The following BLOC1S5 variants were observed in gnomAD, a reference collection of about 807,000 sequenced individuals.
The protein encoded by BLOC1S5 is biogenesis of lysosome-related organelles complex 1 subunit 5.
In BLOC1S5, 27 loss-of-function variants were observed where a neutral mutation model predicts 24.3. That is an observed-to-expected ratio of 1.11 (90% CI 0.82 to 1.53). The LOEUF is 1.53. BLOC1S5 is among the 40% of genes most tolerant of loss of function. The pLI is 0.00. For missense variants in BLOC1S5, 239 were observed against 229.4 expected (o/e 1.04, Z -0.27); for synonymous variants, 84 against 74.5 (o/e 1.13, Z -0.66).
At chr6:8,026,291 G>T (rs1341990675) in intron 4 of BLOC1S5, 76 bp downstream of exon 4, 1 of 1,230,318 alleles carries the variant, frequency 8.1e-7, no homozygotes, top group Non-Finnish European at 1.2e-6. Context: ...AGAATTTTCT[G>T]ATCAAAAGCA....
chr6:8,054,346 G>A (rs1764241944), intron 2 of BLOC1S5: 2 of 403,756 alleles, frequency 5.0e-6, no homozygotes, highest in Admixed American at 3.2e-5. Context: ...TACACTGTCT[G>A]CCTTTAACTA....
Position 8,024,797 on chromosome 6 carries a change from AT to A in BLOC1S5, c.384+1569del, listed in dbSNP as rs1333962180. ...ATAACAATTTTCAAAGTCATTTCAA[AT>A]AATTTTTATAATGCAATTTACCCAT... On this transcript the variant is annotated intron_variant, in intron 4 of 4. Transcript: ENST00000397457. Among the ~76,000 whole-genome samples the A allele has an allele frequency of 2.6e-5, 4 of 152,202 alleles. 1 individual carries two copies. The highest frequency in any genetic ancestry group is 4.4e-5 in the Non-Finnish European group (3 of 68,046).
At chr6:8,059,677 A>G (rs1764448927) in intron 2 of BLOC1S5, among the ~76,000 whole-genome samples, 1 of 152,206 alleles carries the variant, frequency 6.6e-6, no homozygotes, top group South Asian at 2.1e-4. Flanking sequence ...CTAATTTGAG[A>G]TGAGAGTTAT....
chr6:8,037,378 G>A (rs1763522849), intron 3 of BLOC1S5, among the ~76,000 whole-genome samples: 1 of 152,082 alleles, frequency 6.6e-6, no homozygotes, highest in African/African-American at 2.4e-5. Context: ...ATTTACAATA[G>A]CTACAAAGAA....
At chr6:8,030,865 C>CAAAAAAAAAAAAAAAAAAAAAAAA (rs55692261) in intron 3 of BLOC1S5, among the ~76,000 whole-genome samples, 3 of 118,574 alleles carry the variant, frequency 2.5e-5, no homozygotes, top group South Asian at 3.4e-4. Context: ...GACCAACAGT[C>CAAAAAAAAAAAAAAAAAAAAAAAA]AAAAAAAAAA....
At chr6:8,021,326 C>T (rs1256308966) in intron 4 of BLOC1S5, among the ~76,000 whole-genome samples, 2 of 152,136 alleles carry the variant, frequency 1.3e-5, no homozygotes, top group African/African-American at 2.4e-5. Context: ...GGGCCGGGTG[C>T]GGTGGCTCAC....
chr6:8,062,400 T>A, intron 2 of BLOC1S5, 134 bp downstream of exon 2: 2 of 608,778 alleles, frequency 3.3e-6, no homozygotes, highest in East Asian at 5.9e-5. Flanking sequence ...TTTTACGTCT[T>A]CATCATTTTT....
At chr6:8,040,831 G>C (rs1763652902) in intron 3 of BLOC1S5, among the ~76,000 whole-genome samples, 1 of 151,782 alleles carries the variant, frequency 6.6e-6, no homozygotes, top group Non-Finnish European at 1.5e-5. Flanking sequence ...ACTCCAGCCT[G>C]GGACACAGAG....
intron 2 of BLOC1S5, among the ~76,000 whole-genome samples, chr6:8,057,612 A>G (rs1764359917): frequency 6.6e-6 from 1 of 152,184 alleles, no homozygotes; most frequent in South Asian, 2.1e-4. Flanking sequence ...TGGAACAGAC[A>G]CTCTGATAAA....
Position 8,032,308 on chromosome 6 carries a change from T to C in BLOC1S5, c.326-5883A>G, listed in dbSNP as rs1398319714. Among the ~76,000 whole-genome samples the C allele has an allele frequency of 3.9e-5, 6 of 152,166 alleles. No individual in the cohort carries two copies. In the South Asian group the frequency reaches 1.0e-3, roughly 26 times the overall value. On this transcript the variant is annotated intron_variant, in intron 3 of 4. Transcript: ENST00000397457. The stretch of plus-strand genomic sequence containing the variant: ...ATCAAAAATGGGCTAAGGATGTGAA[T>C]AGACAATTCTCAAAAGAAGATATAC...
chr6:8,057,370 C>A lies in BLOC1S5; in HGVS notation c.195+5164G>T, dbSNP rs142431694. Among the ~76,000 whole-genome samples, 92 of 152,296 alleles carry A rather than the reference C, an allele frequency of 6.0e-4. 1 individual carries two copies. In the South Asian group the frequency reaches 9.7e-3, roughly 16 times the overall value. ...GCTGATATTTTTAACTGAGGGGTAA[C>A]TGTTCGCACTTATCACACAAGGAAG... On this transcript the variant is annotated intron_variant, in intron 2 of 4. Coordinates refer to ENST00000397457, the MANE Select transcript of BLOC1S5 (RefSeq NM_201280.3).
intron 4 of BLOC1S5, among the ~76,000 whole-genome samples, chr6:8,023,159 C>T (rs529290783): frequency 2.0e-5 from 3 of 152,104 alleles, no homozygotes; most frequent in Non-Finnish European, 4.4e-5. Flanking sequence ...TTTTATAAGG[C>T]AATAATATTT....
intron 1 of BLOC1S5, among the ~76,000 whole-genome samples, chr6:8,063,885 C>G (rs933444273): frequency 3.3e-5 from 5 of 152,226 alleles, no homozygotes; most frequent in African/African-American, 1.2e-4. Flanking sequence ...TGAGTAAAGC[C>G]AGTGACCCGA....
intron 3 of BLOC1S5, among the ~76,000 whole-genome samples, chr6:8,031,760 TA>T (rs1370976403): frequency 6.6e-6 from 1 of 152,052 alleles, no homozygotes; most frequent in Non-Finnish European, 1.5e-5. Context: ...GGAACTGGCA[TA>T]AAAATAGGCG....
At chr6:8,052,325 TATTTAAGAAATAG>T (rs1203312694) in intron 2 of BLOC1S5, among the ~76,000 whole-genome samples, 1 of 152,184 alleles carries the variant, frequency 6.6e-6, no homozygotes, top group Non-Finnish European at 1.5e-5. Context: ...CAAGACTTAT[TATTTAAGAAATAG>T]ATTTCTTAAT....
At chr6:8,059,910 A>G (rs1441042268) in intron 2 of BLOC1S5, among the ~76,000 whole-genome samples, 1 of 152,262 alleles carries the variant, frequency 6.6e-6, no homozygotes, top group East Asian at 1.9e-4. Context: ...AAGCACCGTA[A>G]GAACGAAGGG....
rs1763043985 is a variant in BLOC1S5 at position 8,024,531 on chromosome 6, A to AAAG, written c.384+1835_384+1836insCTT. 2.0e-5 allele frequency among the ~76,000 whole-genome samples: 3 copies of AAAG among 151,438 alleles called. No individual in the cohort carries two copies. In the South Asian group the frequency reaches 6.3e-4, roughly 32 times the overall value. On this transcript the variant is annotated intron_variant, in intron 4 of 4. Transcript: ENST00000397457. ...CTCCATCTCAAAAAAAAAAAAAAAA[A>AAAG]AAAAGAAATGTACTTCATATTAAAT... is the stretch of plus-strand genomic sequence containing the variant.
At chr6:8,019,561 C>T (rs150191931) in intron 4 of BLOC1S5, among the ~76,000 whole-genome samples, 5,952 of 149,964 alleles carry the variant, frequency 0.04, 372 homozygotes, top group African/African-American at 0.13. Context: ...GAGCCACCGG[C>T]GCCCGGCCCA....
Position 8,014,705 on chromosome 6 carries a change from A to G in BLOC1S5, c.*944T>C, listed in dbSNP as rs936924243. 2 of 152,186 alleles carry G rather than the reference A, an allele frequency of 1.3e-5. No individual in the cohort carries two copies. Among genetic ancestry groups the G allele is most frequent in the Non-Finnish European group, 2.9e-5 (2 of 68,036 alleles). The allele number at this position is 152,186 out of a possible 1,614,324, so 9.4% of individuals were successfully genotyped here. On this transcript the variant is annotated 3_prime_UTR_variant, in exon 5 of 5. Coordinates refer to ENST00000397457, the MANE Select transcript of BLOC1S5 (RefSeq NM_201280.3). Reference sequence around the variant, plus strand: ...AAAGGATTTACATTTAACATGGACCATTTGCTGTGTGGGCAAACACTTCTG... The same window carrying G: ...AAAGGATTTACATTTAACATGGACCGTTTGCTGTGTGGGCAAACACTTCTG...
Sources: gnomAD v4.1 joint callset for allele counts (sites outside exome capture counted in the v4.1 genomes callset) on GRCh38, gnomAD v4.1.1 for gene constraint, MANE v1.5 for transcripts, NCBI Gene and HGNC (gene_info 2026-07-23, HGNC 2026-07-21) for gene names.